The following SOBP variants were observed in gnomAD, a reference collection of about 807,000 sequenced individuals.
The protein encoded by SOBP is sine oculis-binding protein homolog.
In SOBP, 4 loss-of-function variants were observed where a neutral mutation model predicts 53.6. The observed-to-expected ratio is 0.07, with a 90% CI of 0.04 to 0.17. The LOEUF (loss-of-function observed/expected upper bound fraction) is 0.17, where lower values mean the gene tolerates loss of function less well. Ranked by LOEUF, SOBP falls within the 10% of genes least tolerant of loss-of-function variation. SOBP has a pLI of 1.00. For missense variants in SOBP, 1,088 were observed against 1,204.7 expected, an observed-to-expected ratio of 0.90 and a Z score of 1.43; for synonymous variants, 584 against 522.6, an observed-to-expected ratio of 1.12 and a Z score of -1.60.
At chr6:107,630,248 A>T (rs985897730) in intron 5 of SOBP, among the ~76,000 whole-genome samples, 3 of 152,254 alleles carry the variant, frequency 2.0e-5, no homozygotes, top group Non-Finnish European at 4.4e-5. Flanking sequence ...AGGAAAAAAT[A>T]ATTCCTCAGA....
intron 5 of SOBP, among the ~76,000 whole-genome samples, chr6:107,605,557 T>C (rs1190607238): frequency 6.6e-6 from 1 of 152,182 alleles, no homozygotes; most frequent in Non-Finnish European, 1.5e-5. Context: ...AGAAGCTGAG[T>C]TTGGGACCCA....
chr6:107,602,333 A>G (rs992400371), intron 5 of SOBP, among the ~76,000 whole-genome samples: 3 of 152,230 alleles, frequency 2.0e-5, no homozygotes, highest in Non-Finnish European at 2.9e-5. Flanking sequence ...CTATCCGAGC[A>G]GTGTCTCCTG....
intron 5 of SOBP, among the ~76,000 whole-genome samples, chr6:107,622,448 A>T (rs1770221924): frequency 6.6e-6 from 1 of 152,260 alleles, no homozygotes; most frequent in Admixed American, 6.5e-5. Context: ...AAGAGATGCG[A>T]TTGTGGAGAA....
At chr6:107,507,399 G>A (rs1314592379) in intron 3 of SOBP, among the ~76,000 whole-genome samples, 2 of 151,964 alleles carry the variant, frequency 1.3e-5, no homozygotes, top group African/African-American at 4.8e-5. Flanking sequence ...TCTGCCTCCC[G>A]AGTTCAAGTG....
intron 1 of SOBP, among the ~76,000 whole-genome samples, chr6:107,498,845 T>C (rs574787142): frequency 5.3e-5 from 8 of 152,158 alleles, no homozygotes; most frequent in Non-Finnish European, 1.0e-4. Flanking sequence ...TTTTTTCTTA[T>C]GAACACTAGA....
Position 107,587,127 on chromosome 6 carries a change from T to C in SOBP, c.621T>C (p.Tyr207=), listed in dbSNP as rs1785592394. 6.2e-7 allele frequency: 1 copy of C among 1,613,722 alleles called. No homozygotes were observed. The highest frequency in any genetic ancestry group is 8.5e-7 in the Non-Finnish European group (1 of 1,179,756). The part of the protein sequence containing the change: ...GHAENFPQQH[Y]AKETPRLAFK... ...CTGAAAATTTTCCCCAGCAGCACTATGCTAAGGAAACTCCAAGGCTTGCCT... is the reference window on the plus strand; with the variant it reads ...CTGAAAATTTTCCCCAGCAGCACTACGCTAAGGAAACTCCAAGGCTTGCCT... Residue 207 remains tyrosine (Y), a synonymous_variant, in exon 5 of 7, where the codon TAT becomes TAC. Transcript: ENST00000317357.
chr6:107,535,956 C>T (rs1783987465), intron 4 of SOBP, among the ~76,000 whole-genome samples: 1 of 152,100 alleles, frequency 6.6e-6, no homozygotes, highest in Non-Finnish European at 1.5e-5. Flanking sequence ...AGTCCTTAGT[C>T]CTTGTTAATT....
intron 5 of SOBP, among the ~76,000 whole-genome samples, chr6:107,619,851 C>A (rs1786939259): frequency 6.6e-6 from 1 of 152,132 alleles, no homozygotes; most frequent in African/African-American, 2.4e-5. Context: ...GATACAGGGT[C>A]ATTAACCACC....
chr6:107,636,694 TA>T (rs2115153612), intron 6 of SOBP, among the ~76,000 whole-genome samples: 1 of 152,234 alleles, frequency 6.6e-6, no homozygotes, highest in East Asian at 1.9e-4. Context: ...GATACAAAGG[TA>T]AATGATGGCG....
chr6:107,536,744 A>G (rs1193706595), intron 4 of SOBP, among the ~76,000 whole-genome samples: 7 of 152,190 alleles, frequency 4.6e-5, no homozygotes. Flanking sequence ...CTTCTACTCA[A>G]CACTGCCAGG....
At chr6:107,572,343 G>A (rs1049497973) in intron 4 of SOBP, among the ~76,000 whole-genome samples, 29 of 143,940 alleles carry the variant, frequency 2.0e-4, no homozygotes, top group African/African-American at 7.2e-4. Context: ...TTGCTGTATC[G>A]CCCAGGCTGG....
intron 3 of SOBP, among the ~76,000 whole-genome samples, chr6:107,521,545 G>A (rs1032945847): frequency 1.3e-5 from 2 of 151,958 alleles, no homozygotes; most frequent in Non-Finnish European, 2.9e-5. Flanking sequence ...GTCAACTTCA[G>A]GACCTACACT....
chr6:107,579,448 C>T (rs1583233038), intron 4 of SOBP, among the ~76,000 whole-genome samples: 1 of 140,710 alleles, frequency 7.1e-6, no homozygotes, highest in African/African-American at 2.5e-5. Context: ...AAAGTAAAAA[C>T]AGGCATTTTC....
intron 4 of SOBP, among the ~76,000 whole-genome samples, chr6:107,581,573 CAA>C (rs995311593): frequency 2.0e-5 from 3 of 152,206 alleles, no homozygotes; most frequent in African/African-American, 7.2e-5. Flanking sequence ...TTCAAGTTCA[CAA>C]AGACATTCAC....
intron 5 of SOBP, among the ~76,000 whole-genome samples, chr6:107,595,724 A>G (rs1785924812): frequency 6.6e-6 from 1 of 152,176 alleles, no homozygotes; most frequent in Non-Finnish European, 1.5e-5. Flanking sequence ...GAACAAGCTA[A>G]TGAAAGTCTC....
intron 4 of SOBP, among the ~76,000 whole-genome samples, chr6:107,575,627 G>C (rs1412941276): frequency 6.6e-6 from 1 of 152,096 alleles, no homozygotes; most frequent in Admixed American, 6.6e-5. Context: ...ATTTTTCTCA[G>C]TTTACACTAA....
intron 3 of SOBP, among the ~76,000 whole-genome samples, chr6:107,519,125 G>A (rs1193133828): frequency 6.7e-6 from 1 of 148,470 alleles, no homozygotes; most frequent in Non-Finnish European, 1.5e-5. Flanking sequence ...AGGAGACACT[G>A]GGTGAGTGAC....
chr6:107,490,790 G>C lies in SOBP; in HGVS notation c.96+78G>C, dbSNP rs555880421. On this transcript the variant is annotated intron_variant, in intron 1 of 6. Transcript: ENST00000317357. ...CCCCGTGGGCCGTGGTATGGATCTG[G>C]GGGGTACCGGGGCGCGCTTGTCAGT... is the stretch of plus-strand genomic sequence containing the variant. The C allele has an allele frequency of 2.0e-4, 214 of 1,081,968 alleles. 1 individual carries two copies. The African/African-American group carries it at 3.1e-3, about 16-fold the overall frequency. The allele number at this position is 1,081,968 out of a possible 1,614,324, so 67.0% of individuals were successfully genotyped here.
intron 6 of SOBP, among the ~76,000 whole-genome samples, chr6:107,640,687 T>A (rs1328925458): frequency 6.6e-6 from 1 of 152,234 alleles, no homozygotes; most frequent in Non-Finnish European, 1.5e-5. Flanking sequence ...AAGGTTTTAA[T>A]GTACAAGCAT....
Sources: gnomAD v4.1 joint callset for allele counts (sites outside exome capture counted in the v4.1 genomes callset) on GRCh38, gnomAD v4.1.1 for gene constraint, MANE v1.5 for transcripts, NCBI Gene and HGNC (gene_info 2026-07-23, HGNC 2026-07-21) for gene names.